SLC30A6: variants seen among roughly 807,000 people sequenced by gnomAD.
The protein encoded by SLC30A6 is zinc transporter 6.
Under a neutral mutation model 63.0 loss-of-function variants are expected in SLC30A6, and 55 were observed. The observed-to-expected ratio is 0.87, with a 90% CI of 0.70 to 1.09. SLC30A6 has a LOEUF of 1.09. Among genes scored for constraint, SLC30A6 ranks in the 50% least tolerant of loss-of-function variants. The pLI is 0.00. For missense variants in SLC30A6, 587 were observed against 549.2 expected, an observed-to-expected ratio of 1.07 and a Z score of -0.69; for synonymous variants, 224 against 186.1, an observed-to-expected ratio of 1.20 and a Z score of -1.66.
chr2:32,217,923 C>T (rs1230826825), intron 13 of SLC30A6, among the ~76,000 whole-genome samples: 2 of 151,720 alleles, frequency 1.3e-5, no homozygotes, highest in Non-Finnish European at 2.9e-5. Flanking sequence ...GCAGCCTCGA[C>T]CTCTAAGGTT....
At chr2:32,168,550 A>G (rs967094169) in intron 1 of SLC30A6, among the ~76,000 whole-genome samples, 4 of 152,086 alleles carry the variant, frequency 2.6e-5, no homozygotes. Context: ...TACTTTGGTT[A>G]ATGCAAAATA....
intron 3 of SLC30A6, 116 bp from the exon 4 acceptor site, chr2:32,175,203 G>A (rs539692521): frequency 8.2e-5 from 71 of 862,306 alleles, no homozygotes; most frequent in African/African-American, 1.4e-4. Flanking sequence ...AGGTTGGCCC[G>A]TGACTCAAAA....
At position 32,192,394 on chromosome 2, in the gene SLC30A6, G is replaced by A. The variant is rs147180381; in HGVS notation, c.343G>A (p.Ala115Thr). 37 of 1,613,746 alleles carry A rather than the reference G, an allele frequency of 2.3e-5. No individual in the cohort carries two copies. Among genetic ancestry groups the A allele is most frequent in the Non-Finnish European group, 3.1e-5 (37 of 1,179,846 alleles). Reference protein sequence around the residue: ...FASTVLAQLGALFILKESAER... With the variant: ...FASTVLAQLGTLFILKESAER... ...CTCCACAGTCTTGGCACAGTTGGGA[G>A]CTCTCTTTATATTAAAAGAAAGGTA... is the stretch of plus-strand genomic sequence containing the variant. Residue 115 changes from alanine (A) to threonine (T), a missense_variant, in exon 6 of 14, where the codon GCT becomes ACT. Coordinates refer to ENST00000282587, the MANE Select transcript of SLC30A6 (RefSeq NM_017964.5).
rs1558439707 is a variant in SLC30A6, at chr2:32,223,075, C to T, written c.*2362C>T. Reference sequence around the variant, plus strand: ...CCTGTGGGTTATGAAAGAATTGGCCCTACGTCCTGCATGTAAGATGTTACA... The same window carrying T: ...CCTGTGGGTTATGAAAGAATTGGCCTTACGTCCTGCATGTAAGATGTTACA... On this transcript the variant is annotated 3_prime_UTR_variant, in exon 14 of 14. Coordinates refer to ENST00000282587, the MANE Select transcript of SLC30A6 (RefSeq NM_017964.5). 1 of 152,194 alleles carries T rather than the reference C, an allele frequency of 6.6e-6. No homozygotes were observed. The allele number at this position is 152,194 out of a possible 1,614,324, so 9.4% of individuals were successfully genotyped here.
intron 5 of SLC30A6, among the ~76,000 whole-genome samples, chr2:32,185,923 G>C (rs1407715863): frequency 1.3e-5 from 2 of 151,022 alleles, no homozygotes; most frequent in Non-Finnish European, 2.9e-5. Context: ...TAGAGATGGG[G>C]TTTCACCATG....
chr2:32,180,712 C>T (rs934957173), intron 4 of SLC30A6, among the ~76,000 whole-genome samples: 4 of 152,156 alleles, frequency 2.6e-5, no homozygotes, highest in Admixed American at 6.6e-5. Flanking sequence ...GGATTACAGG[C>T]GTGAACCACC....
intron 5 of SLC30A6, 150 bp from the exon 6 acceptor site, chr2:32,192,186 A>C: frequency 1.8e-6 from 1 of 552,644 alleles, no homozygotes; most frequent in Non-Finnish European, 3.2e-6. Context: ...ATTATTCTAG[A>C]AACCCTAATC....
chr2:32,217,643 T>C (rs1335473679), intron 13 of SLC30A6, among the ~76,000 whole-genome samples: 1 of 152,192 alleles, frequency 6.6e-6, no homozygotes, highest in Non-Finnish European at 1.5e-5. Context: ...AATCTATAGA[T>C]TGCTTTGGAC....
chr2:32,175,140 C>T (rs974581725), intron 3 of SLC30A6, among the ~76,000 whole-genome samples, 179 bp from the exon 4 acceptor site: 12 of 152,088 alleles, frequency 7.9e-5, no homozygotes, highest in Non-Finnish European at 1.3e-4. Context: ...TTTCTACCAA[C>T]GAACTTTGGC....
chr2:32,209,676 T>G (rs1386356858), intron 13 of SLC30A6, 115 bp downstream of exon 13: 1 of 812,412 alleles, frequency 1.2e-6, no homozygotes, highest in Non-Finnish European at 1.9e-6. Context: ...CCTAGTTATG[T>G]TAAGCAGAGT....
At chr2:32,198,158 T>G (rs1464859028) in intron 10 of SLC30A6, among the ~76,000 whole-genome samples, 1 of 152,144 alleles carries the variant, frequency 6.6e-6, no homozygotes, top group Admixed American at 6.5e-5. Flanking sequence ...GACGTAGGCG[T>G]GAAACAATTT....
intron 4 of SLC30A6, among the ~76,000 whole-genome samples, chr2:32,181,737 G>A (rs1007671794): frequency 5.3e-5 from 8 of 151,796 alleles, no homozygotes; most frequent in Non-Finnish European, 1.0e-4. Context: ...GCATGGTGGC[G>A]CACTTTTGTA....
intron 1 of SLC30A6, among the ~76,000 whole-genome samples, chr2:32,168,652 A>C (rs1360605968): frequency 6.6e-6 from 1 of 152,166 alleles, no homozygotes; most frequent in Non-Finnish European, 1.5e-5. Context: ...GCCCCACTCT[A>C]ATACTCTTAA....
chr2:32,185,971 T>A (rs1251105139), intron 5 of SLC30A6, among the ~76,000 whole-genome samples: 1 of 151,546 alleles, frequency 6.6e-6, no homozygotes, highest in Non-Finnish European at 1.5e-5. Flanking sequence ...CCTCAAATGA[T>A]CCACCTATCT....
chr2:32,212,631 T>C (rs1000942108), intron 13 of SLC30A6, among the ~76,000 whole-genome samples: 1 of 142,696 alleles, frequency 7.0e-6, no homozygotes, highest in Non-Finnish European at 1.5e-5. Flanking sequence ...TCTCACTCTG[T>C]CGCCAGGCTA....
In SLC30A6 at chr2:32,168,056, C is replaced by T. The variant is rs186634835; in HGVS notation, c.3+2153C>T. 2.6e-5 allele frequency among the ~76,000 whole-genome samples: 4 copies of T among 152,242 alleles called. No homozygotes were observed. The East Asian group carries it at 7.7e-4, about 29-fold the overall frequency. On this transcript the variant is annotated intron_variant, in intron 1 of 13. Coordinates refer to ENST00000282587, the MANE Select transcript of SLC30A6 (RefSeq NM_017964.5). Reference sequence around the variant, plus strand: ...CAATAAACATCTGTTTTATAAGACACTGAAAACTTATGGCACTATATCTTT... The same window carrying T: ...CAATAAACATCTGTTTTATAAGACATTGAAAACTTATGGCACTATATCTTT...
At chr2:32,203,647 G>A (rs1684488161) in intron 10 of SLC30A6, 1 of 1,566,690 alleles carries the variant, frequency 6.4e-7, no homozygotes, top group South Asian at 1.1e-5. Context: ...TAGTAATGCA[G>A]TGTCTCAGAT....
Position 32,210,532 on chromosome 2 carries a change from AAAAAAAC to A in SLC30A6, c.885+974_885+980del, listed in dbSNP as rs1558422407. The stretch of plus-strand genomic sequence containing the variant: ...TCTGTCTCCAAAAAAAAAAAAAAAA[AAAAAAAC>A]AACAGAAAATGAGATCATGCTGTTT... On this transcript the variant is annotated intron_variant, in intron 13 of 13. Transcript: ENST00000282587. Among the ~76,000 whole-genome samples the A allele has an allele frequency of 4.2e-5, 6 of 143,120 alleles. No individual in the cohort carries two copies. In the South Asian group the frequency reaches 6.7e-4, roughly 16 times the overall value. 93.9% of individuals were successfully genotyped at this position (143,120 alleles called of 152,430 possible).
Position 32,220,617 on chromosome 2 carries a change from T to G in SLC30A6, c.1290T>G (p.Val430=). The change falls in exon 14 of 14, where the codon GTT becomes GTG. Residue 430 remains valine (V), a synonymous_variant. Coordinates refer to ENST00000282587, the MANE Select transcript of SLC30A6 (RefSeq NM_017964.5). ...GCATGCTTAATCAAGGACTTGGAGT[T>G]CCAGGAATTGGAGCAACTCAAGGAT... ...YSSMLNQGLG[V]PGIGATQGLR... 1 of 1,614,170 alleles carries G rather than the reference T, an allele frequency of 6.2e-7. No individual in the cohort carries two copies. The highest frequency in any genetic ancestry group is 1.3e-5 in the African/African-American group (1 of 75,050).
Sources: gnomAD v4.1 joint callset for allele counts (sites outside exome capture counted in the v4.1 genomes callset) on GRCh38, gnomAD v4.1.1 for gene constraint, MANE v1.5 for transcripts, NCBI Gene and HGNC (gene_info 2026-07-23, HGNC 2026-07-21) for gene names.